BTBD2: variants seen among roughly 807,000 people sequenced by gnomAD.
The protein encoded by BTBD2 is BTB domain containing 2.
BTBD2 carries 15 observed loss-of-function variants against 44.0 expected under a neutral mutation model. The ratio of observed to expected loss-of-function variants is 0.34; its 90% CI spans 0.23 to 0.53. BTBD2 has a LOEUF of 0.53. Ranked by LOEUF, BTBD2 falls within the 20% of genes least tolerant of loss-of-function variation. BTBD2 has a pLI of 0.95. For synonymous variants in BTBD2, 443 were observed against 335.9 expected (o/e 1.32, Z -3.49); for missense variants, 657 against 746.4 (o/e 0.88, Z 1.39).
intron 1 of BTBD2, among the ~76,000 whole-genome samples, chr19:1,999,740 C>G (rs1256443278): frequency 6.6e-6 from 1 of 151,430 alleles, no homozygotes; most frequent in Non-Finnish European, 1.5e-5. Flanking sequence ...GCAGGCAAAT[C>G]ACCTGGGGTC....
At chr19:1,995,028 C>T (rs1052359748) in intron 2 of BTBD2, among the ~76,000 whole-genome samples, 3 of 151,760 alleles carry the variant, frequency 2.0e-5, no homozygotes, top group South Asian at 2.1e-4. Context: ...AGTGCAGTGG[C>T]GCAGTCTTGG....
chr19:2,004,088 T>C (rs1218117123), intron 1 of BTBD2, among the ~76,000 whole-genome samples: 1 of 151,956 alleles, frequency 6.6e-6, no homozygotes, highest in Non-Finnish European at 1.5e-5. Flanking sequence ...GTTTCTTACC[T>C]ATGACCTGGA....
chr19:1,990,828 AAG>A lies in BTBD2; in HGVS notation c.685-8_685-7del, dbSNP rs745511778. 5.1e-5 allele frequency: 79 copies of A among 1,554,868 alleles called. No homozygotes were observed. Among genetic ancestry groups the A allele is most frequent in the Non-Finnish European group, 4.5e-5 (52 of 1,152,856 alleles). ...GGTTCATCGAAGAGTCGCGCCTGGC[AAG>A]AGACATCGACGGGGGGCGCGGTGGG... On this transcript the variant is annotated splice_polypyrimidine_tract_variant and splice_region_variant and intron_variant, in intron 3 of 8. Transcript: ENST00000255608.
intron 2 of BTBD2, among the ~76,000 whole-genome samples, chr19:1,995,122 C>T (rs1247184887): frequency 6.6e-6 from 1 of 152,026 alleles, no homozygotes; most frequent in African/African-American, 2.4e-5. Context: ...TGCCTGCTAC[C>T]ATGCCCAGCT....
At chr19:2,009,100 C>T (rs889842135) in intron 1 of BTBD2, among the ~76,000 whole-genome samples, 6 of 151,686 alleles carry the variant, frequency 4.0e-5, no homozygotes, top group Non-Finnish European at 8.8e-5. Context: ...CTCACTGCAA[C>T]CTCCGCCTCC....
In BTBD2 at chr19:1,987,247, T is replaced by G. The variant is rs779271520; in HGVS notation, c.1188A>C (p.Ser396=). 4 of 1,613,600 alleles carry G rather than the reference T, an allele frequency of 2.5e-6. No homozygotes were observed. The highest frequency in any genetic ancestry group is 3.4e-6 in the Non-Finnish European group (4 of 1,179,836). Residue 396 remains serine (S), a synonymous_variant, in exon 7 of 9, where the codon TCA becomes TCC. Transcript: ENST00000255608. Reference sequence around the variant, plus strand: ...CCACCACGAAGATGCGCTTGTTGACTGAGAACCTGCCGTGGCAGATGACAG... The same window carrying G: ...CCACCACGAAGATGCGCTTGTTGACGGAGAACCTGCCGTGGCAGATGACAG... The part of the protein sequence containing the change: ...YSGTSDRIRF[S]VNKRIFVVGF...
chr19:1,992,232 C>T (rs975940434), intron 3 of BTBD2, among the ~76,000 whole-genome samples: 19 of 151,962 alleles, frequency 1.3e-4, no homozygotes, highest in Admixed American at 9.8e-4. Flanking sequence ...AGTTGAGATT[C>T]CAGACATGCA....
intron 1 of BTBD2, among the ~76,000 whole-genome samples, chr19:2,011,974 C>A (rs1160317347): frequency 6.6e-6 from 1 of 152,074 alleles, no homozygotes; most frequent in African/African-American, 2.4e-5. Flanking sequence ...CCTGCCTCAG[C>A]CTCCCAAGTA....
intron 5 of BTBD2, 67 bp downstream of exon 5, chr19:1,989,937 G>A (rs751914801): frequency 2.7e-5 from 42 of 1,560,502 alleles, no homozygotes; most frequent in African/African-American, 5.4e-5. Flanking sequence ...CACTATCCTC[G>A]GTACCCAGAT....
intron 1 of BTBD2, chr19:2,002,876 C>CAAAAAAAAAAAA (rs56289592): frequency 9.7e-6 from 1 of 102,738 alleles, no homozygotes; most frequent in African/African-American, 3.5e-5. Context: ...GACTCCGTCT[C>CAAAAAAAAAAAA]AAAAAAAAAA....
chr19:1,998,317 G>A, intron 1 of BTBD2, among the ~76,000 whole-genome samples: 1 of 152,230 alleles, frequency 6.6e-6, no homozygotes, highest in East Asian at 1.9e-4. Context: ...TGAGAGAAGA[G>A]AGAGGAGCGT....
chr19:2,015,532 TCGGCCCAGGGGCGGCGGCGG>T lies in BTBD2; in HGVS notation c.152_171del (p.Ala51AspfsTer90). The T allele has an allele frequency of 1.1e-6, 1 of 947,702 alleles. No individual in the cohort carries two copies. Among genetic ancestry groups the T allele is most frequent in the Non-Finnish European group, 1.2e-6 (1 of 817,354 alleles). 58.7% of individuals were successfully genotyped at this position (947,702 alleles called of 1,614,324 possible). On this transcript the variant is annotated frameshift_variant, in exon 1 of 9. Coordinates refer to ENST00000255608, the MANE Select transcript of BTBD2 (RefSeq NM_017797.4). LOFTEE classifies it high-confidence loss of function. ...CCGGGGCCCGGCGGGGCGGGCGGCG[TCGGCCCAGGGGCGGCGGCGG>T]CGGCGGCGGCGGCGGCGGCGGCGGC... is the stretch of plus-strand genomic sequence containing the variant.
intron 5 of BTBD2, chr19:1,989,735 C>T: frequency 3.9e-6 from 2 of 517,878 alleles, no homozygotes; most frequent in Non-Finnish European, 7.0e-6. Context: ...GACGGGGACT[C>T]CCTTCCCTCC....
intron 1 of BTBD2, among the ~76,000 whole-genome samples, chr19:2,010,999 C>T (rs1197100096): frequency 1.3e-5 from 2 of 152,140 alleles, no homozygotes; most frequent in South Asian, 2.1e-4. Flanking sequence ...CCATCGGGTC[C>T]GTTTGTTCCC....
Position 1,990,791 on chromosome 19 carries a change from C to A in BTBD2, c.716G>T (p.Ser239Ile), listed in dbSNP as rs1416864467. ...TTTGTCGATGTTCTCCAGGCACAGG[C>A]TGGCCAGCTGCGGTTCATCGAAGAG... ...ARLFDEPQLASLCLENIDKNT... is the reference protein window; with the variant it reads ...ARLFDEPQLAILCLENIDKNT... Residue 239 changes from serine to isoleucine, a missense_variant, in exon 4 of 9, where the codon AGC becomes ATC. Ser to Ile is a moderately radical substitution (Grantham distance 142). This residue lies in a region of BTBD2 where 449 missense variants were observed against 510.9 expected (regional missense o/e 0.88). Transcript: ENST00000255608. 1.3e-6 allele frequency: 2 copies of A among 1,590,700 alleles called. No individual in the cohort carries two copies. Among genetic ancestry groups the A allele is most frequent in the Admixed American group, 3.5e-5 (2 of 56,940 alleles).
intron 1 of BTBD2, among the ~76,000 whole-genome samples, chr19:2,009,592 G>T (rs1408413639): frequency 6.8e-6 from 1 of 146,280 alleles, no homozygotes. Context: ...CTCACACCTG[G>T]AATCCCAGCA....
In BTBD2 at chr19:1,990,159, CG is replaced by C; in HGVS notation, c.832del (p.Arg278ValfsTer24). 6.2e-7 allele frequency: 1 copy of C among 1,610,428 alleles called. No homozygotes were observed. Among genetic ancestry groups the C allele is most frequent in the South Asian group, 1.1e-5 (1 of 90,684 alleles). Reference protein sequence around the residue: ...AVLERDTLGIREVRLFNAVVR... With the variant: ...AVLERDTLGIXEVRLFNAVVR... ...AACGGCATTGAACAGCCGCACCTCA[CG>C]GATGCCCAGTGTGTCGCGCTCCAGG... On this transcript the variant is annotated frameshift_variant, in exon 5 of 9. Coordinates refer to ENST00000255608, the MANE Select transcript of BTBD2 (RefSeq NM_017797.4). LOFTEE classifies it high-confidence loss of function.
At position 2,011,436 on chromosome 19, in the gene BTBD2, C is replaced by T. The variant is rs2016463587; in HGVS notation, c.407+3861G>A. Among the ~76,000 whole-genome samples, 3 of 152,190 alleles carry T rather than the reference C, an allele frequency of 2.0e-5. No homozygotes were observed. In the South Asian group the frequency reaches 6.2e-4, roughly 31 times the overall value. On this transcript the variant is annotated intron_variant, in intron 1 of 8. Transcript: ENST00000255608. ...ACACTGGGCCACAGGGCCTCCCTCA[C>T]TCCTCCTGCTCCGGCCTTGCCATGG...
In BTBD2 at chr19:1,986,157, C is replaced by T. The variant is rs958735580; in HGVS notation, c.*331G>A. The T allele has an allele frequency of 1.9e-5, 7 of 360,196 alleles. No individual in the cohort carries two copies. Among genetic ancestry groups the T allele is most frequent in the Admixed American group, 1.3e-4 (3 of 23,536 alleles). 22.3% of individuals were successfully genotyped at this position (360,196 alleles called of 1,614,324 possible). A position where few individuals can be genotyped will look rare whatever the true frequency, so the allele number is the denominator to read the frequency against. On this transcript the variant is annotated 3_prime_UTR_variant, in exon 9 of 9. Transcript: ENST00000255608. ...GACGCGAGGGACGCCCGCGGCGCAC[C>T]GCCGGCAGACGACGTGGGCAGGCGC...
Sources: allele counts gnomAD v4.1 joint callset (sites outside exome capture counted in the v4.1 genomes callset), GRCh38; gene constraint gnomAD v4.1.1; regional missense constraint gnomAD v4.1.1; transcripts MANE v1.5; gene names NCBI Gene and HGNC (gene_info 2026-07-23, HGNC 2026-07-21).